The following MLLT6 variants were observed in gnomAD, a reference collection of about 807,000 sequenced individuals.
MLLT6 encodes the protein protein AF-17.
MLLT6 carries 22 observed loss-of-function variants against 103.0 expected under a neutral mutation model. The observed-to-expected ratio is 0.21, with a 90% CI of 0.15 to 0.31. The LOEUF (loss-of-function observed/expected upper bound fraction) is 0.31, where lower values mean the gene tolerates loss of function less well. MLLT6 is among the 10% of genes least tolerant of loss of function. The pLI is 1.00. For synonymous variants in MLLT6, 606 were observed against 623.5 expected (o/e 0.97, Z 0.42); for missense variants, 1,199 against 1,441.7 (o/e 0.83, Z 2.73).
At position 38,722,756 on chromosome 17, in the gene MLLT6, G is replaced by A. The variant is rs750439100; in HGVS notation, c.2871G>A (p.Pro957=). The change falls in exon 18 of 20, where the codon CCG becomes CCA. Residue 957 remains proline, a synonymous_variant. Coordinates refer to ENST00000621332, the MANE Select transcript of MLLT6 (RefSeq NM_005937.4). ...LQQLQQLLAS[P]QLTPEHQTVV... ...AACTCCAGCAGCTCCTGGCCTCCCC[G>A]CAGCTGACCCCGGTAATGCCCCTCC... is the stretch of plus-strand genomic sequence containing the variant. The A allele has an allele frequency of 2.0e-5, 31 of 1,535,296 alleles. No homozygotes were observed. Among genetic ancestry groups the A allele is most frequent in the South Asian group, 7.8e-5 (7 of 89,948 alleles).
At chr17:38,720,901 A>G (rs766030462) in intron 16 of MLLT6, 154 bp downstream of exon 16, 15 of 694,554 alleles carry the variant, frequency 2.2e-5, no homozygotes, top group Non-Finnish European at 3.4e-5. Flanking sequence ...AGTAATATTT[A>G]TGAGGTGCCC....
rs749037742 is a variant in MLLT6, at chr17:38,722,028, G to A, written c.2593G>A (p.Gly865Arg). 9.0e-6 allele frequency: 13 copies of A among 1,441,768 alleles called. No individual in the cohort carries two copies. In the East Asian group the frequency reaches 1.4e-4, roughly 16 times the overall value. The allele number at this position is 1,441,768 out of a possible 1,614,324, so 89.3% of individuals were successfully genotyped here. The change falls in exon 17 of 20, where the codon GGG (glycine) becomes AGG (arginine). Residue 865 changes from glycine to arginine, a missense_variant. This residue lies in a region of MLLT6 where 1,034 missense variants were observed against 1,091.5 expected (regional missense o/e 0.95). Transcript: ENST00000621332. Reference sequence around the variant, plus strand: ...CCCACTCCCGCCCCAGCCGCAGAACGGGTTGGGCCGGGCACCCGGGGCAGC... The same window carrying A: ...CCCACTCCCGCCCCAGCCGCAGAACAGGTTGGGCCGGGCACCCGGGGCAGC... Reference protein sequence around the residue: ...PAPLPPQPQNGLGRAPGAAGL... With the variant: ...PAPLPPQPQNRLGRAPGAAGL...
In MLLT6 at chr17:38,729,725, T is replaced by C. The variant is rs1012432180; in HGVS notation, c.*4127T>C. 3 of 213,098 alleles carry C rather than the reference T, an allele frequency of 1.4e-5. No homozygotes were observed. The highest frequency in any genetic ancestry group is 2.8e-5 in the Non-Finnish European group (3 of 106,176). The allele number at this position is 213,098 out of a possible 1,614,324, so 13.2% of individuals were successfully genotyped here. On this transcript the variant is annotated 3_prime_UTR_variant, in exon 20 of 20. Transcript: ENST00000621332. ...ATCTTTGTATAACGGATGTTATTTGTACGAAGGGCAGTTCGTAAACAGCAC... is the reference window on the plus strand; with the variant it reads ...ATCTTTGTATAACGGATGTTATTTGCACGAAGGGCAGTTCGTAAACAGCAC...
chr17:38,715,873 T>C, intron 9 of MLLT6, 45 bp downstream of exon 9: 1 of 1,517,148 alleles, frequency 6.6e-7, no homozygotes, highest in South Asian at 1.2e-5. Context: ...GGGAAAGCCT[T>C]TTGTCCTGAG....
chr17:38,713,741 C>T (rs1205389310), intron 8 of MLLT6: 1 of 152,364 alleles, frequency 6.6e-6, no homozygotes, highest in Non-Finnish European at 1.5e-5. Flanking sequence ...CTGGATGTCC[C>T]TTGGACATGC....
chr17:38,715,731 G>A lies in MLLT6; in HGVS notation c.939G>A (p.Lys313=). 1 of 1,614,180 alleles carries A rather than the reference G, an allele frequency of 6.2e-7. No homozygotes were observed. Among genetic ancestry groups the A allele is most frequent in the Non-Finnish European group, 8.5e-7 (1 of 1,180,018 alleles). ...SSSHSLSHKG[K]KLSSGKGVSS... ...GCCATAGCCTGAGTCATAAAGGGAAGAAACTGAGCAGTGGGAAAGGTGTGA... is the reference window on the plus strand; with the variant it reads ...GCCATAGCCTGAGTCATAAAGGGAAAAAACTGAGCAGTGGGAAAGGTGTGA... Residue 313 remains lysine (K), a synonymous_variant, in exon 9 of 20, where the codon AAG becomes AAA. Coordinates refer to ENST00000621332, the MANE Select transcript of MLLT6 (RefSeq NM_005937.4).
intron 14 of MLLT6, chr17:38,720,116 C>G (rs1905624645): frequency 1.4e-6 from 1 of 734,212 alleles, no homozygotes; most frequent in Non-Finnish European, 2.2e-6. Context: ...GGGCCCCGAC[C>G]TTACCAAACC....
chr17:38,718,961 C>T (rs1470868360), intron 12 of MLLT6: 1 of 165,814 alleles, frequency 6.0e-6, no homozygotes, highest in Non-Finnish European at 1.3e-5. Flanking sequence ...GATCAGGATT[C>T]TGTGGCCCAA....
rs2143669705 is a variant in MLLT6 at position 38,709,824 on chromosome 17, G to T, written c.552+249G>T. On this transcript the variant is annotated intron_variant, in intron 6 of 19. Transcript: ENST00000621332. This position sits in a 1 kb window ranked among gnomAD's most constrained non-coding sequence, Gnocchi z 4.3. Reference sequence around the variant, plus strand: ...GACCCTGCCTGTCAGAGTCTAGGAGGCTTCAAGGAAGAGGTAGCATTTAAG... The same window carrying T: ...GACCCTGCCTGTCAGAGTCTAGGAGTCTTCAAGGAAGAGGTAGCATTTAAG... Among the ~76,000 whole-genome samples, 1 of 152,380 alleles carries T rather than the reference G, an allele frequency of 6.6e-6. No homozygotes were observed. Among genetic ancestry groups the T allele is most frequent in the South Asian group, 2.1e-4 (1 of 4,832 alleles).
chr17:38,707,720 C>T lies in MLLT6; in HGVS notation c.245-43C>T, dbSNP rs148755593. 2,047 of 1,346,522 alleles carry T rather than the reference C, an allele frequency of 1.5e-3. 5 individuals carry two copies. Among genetic ancestry groups the T allele is most frequent in the Non-Finnish European group, 1.9e-3 (1,779 of 940,854 alleles). The allele number at this position is 1,346,522 out of a possible 1,614,324, so 83.4% of individuals were successfully genotyped here. A position where few individuals can be genotyped will look rare whatever the true frequency, so the allele number is the denominator to read the frequency against. ...GTGGGGTCATAAGGGGTGGAGTCTC[C>T]GGCTTGCCATCTGCAGCTGAGGCTA... On this transcript the variant is annotated intron_variant, in intron 3 of 19. Transcript: ENST00000621332.
chr17:38,717,990 C>T, intron 12 of MLLT6, 37 bp downstream of exon 12: 4 of 1,450,368 alleles, frequency 2.8e-6, no homozygotes, highest in South Asian at 1.2e-5. Flanking sequence ...CCTTTCTTCC[C>T]AAAGGTCGGA....
Position 38,719,748 on chromosome 17 carries a change from A to G in MLLT6, c.2010-2A>G. 6.2e-7 allele frequency: 1 copy of G among 1,606,658 alleles called. No homozygotes were observed. Among genetic ancestry groups the G allele is most frequent in the Non-Finnish European group, 8.5e-7 (1 of 1,175,244 alleles). On this transcript the variant is annotated splice_acceptor_variant, in intron 13 of 19. Transcript: ENST00000621332. LOFTEE classifies it high-confidence loss of function. The stretch of plus-strand genomic sequence containing the variant: ...CTGAACCCAGGTTCCCTCTGGCCGC[A>G]GGTCCCCCATCAGCAGCCTCCCCGC...
At position 38,728,083 on chromosome 17, in the gene MLLT6, C is replaced by G. The variant is rs753137206; in HGVS notation, c.*2485C>G. On this transcript the variant is annotated 3_prime_UTR_variant, in exon 20 of 20. Coordinates refer to ENST00000621332, the MANE Select transcript of MLLT6 (RefSeq NM_005937.4). ...TGGCTGTTCTCCAACTTTCCCAAGCCGCTTGCATTCCCCAGACTGGACTAC... is the reference window on the plus strand; with the variant it reads ...TGGCTGTTCTCCAACTTTCCCAAGCGGCTTGCATTCCCCAGACTGGACTAC... 1.4e-4 allele frequency: 32 copies of G among 233,190 alleles called. No homozygotes were observed. Among genetic ancestry groups the G allele is most frequent in the Non-Finnish European group, 2.2e-4 (26 of 118,084 alleles). The allele number at this position is 233,190 out of a possible 1,614,324, so 14.4% of individuals were successfully genotyped here.
At chr17:38,717,125 C>T (rs1905385886) in intron 10 of MLLT6, 144 bp downstream of exon 10, 1 of 1,256,870 alleles carries the variant, frequency 8.0e-7, no homozygotes, top group African/African-American at 1.5e-5. Context: ...TTCAGGACAT[C>T]CCCCTCTGCA....
Position 38,711,709 on chromosome 17 carries a change from T to C in MLLT6, c.553-138T>C, listed in dbSNP as rs568724315. The C allele has an allele frequency of 8.6e-5, 91 of 1,061,134 alleles. No homozygotes were observed. The African/African-American group carries it at 1.3e-3, about 16-fold the overall frequency. The allele number at this position is 1,061,134 out of a possible 1,614,324, so 65.7% of individuals were successfully genotyped here. A position where few individuals can be genotyped will look rare whatever the true frequency, so the allele number is the denominator to read the frequency against. ...CACCCTTCTGCTGAGCAGAGCATCA[T>C]AGAGGACATGAGGTCCTCTTAGTGA... On this transcript the variant is annotated intron_variant, in intron 6 of 19. Coordinates refer to ENST00000621332, the MANE Select transcript of MLLT6 (RefSeq NM_005937.4).
rs961014384 is a variant in MLLT6 at position 38,720,663 on chromosome 17, C to T, written c.2358C>T (p.Gly786=). Reference sequence around the variant, plus strand: ...CCTGTGACATCCCTCCCACAGCCGGCAGCAGCGACTCCTTGAGCACCAGCA... The same window carrying T: ...CCTGTGACATCCCTCCCACAGCCGGTAGCAGCGACTCCTTGAGCACCAGCA... The part of the protein sequence containing the change: ...PGPYGLPPQA[G]SSDSLSTSKS... Residue 786 remains glycine (G), a synonymous_variant, in exon 16 of 20, where the codon GGC becomes GGT. Coordinates refer to ENST00000621332, the MANE Select transcript of MLLT6 (RefSeq NM_005937.4). 6.2e-7 allele frequency: 1 copy of T among 1,613,650 alleles called. No homozygotes were observed. Among genetic ancestry groups the T allele is most frequent in the Non-Finnish European group, 8.5e-7 (1 of 1,180,046 alleles).
At chr17:38,707,075 A>G in intron 2 of MLLT6, 46 bp downstream of exon 2, 9 of 1,530,008 alleles carry the variant, frequency 5.9e-6, no homozygotes, top group Non-Finnish European at 8.1e-6. Flanking sequence ...CCTCCCACAC[A>G]CCTGAGCGTC....
In MLLT6 at chr17:38,721,917, C is replaced by T. The variant is rs1460451085; in HGVS notation, c.2482C>T (p.Leu828=). ...CTGCCCGAGCCGCAGCAGCTCGTCG[C>T]TGTCCTTCCACAGCACGCCCCCACC... ...SGCPSRSSSS[L]SFHSTPPPLP... The change falls in exon 17 of 20, where the codon CTG becomes TTG. Residue 828 remains leucine, a synonymous_variant. Coordinates refer to ENST00000621332, the MANE Select transcript of MLLT6 (RefSeq NM_005937.4). 1 of 1,573,586 alleles carries T rather than the reference C, an allele frequency of 6.4e-7. No individual in the cohort carries two copies. The highest frequency in any genetic ancestry group is 8.6e-7 in the Non-Finnish European group (1 of 1,167,644).
At chr17:38,720,033 A>G (rs1905615795) in intron 14 of MLLT6, 138 bp downstream of exon 14, 1 of 1,229,378 alleles carries the variant, frequency 8.1e-7, no homozygotes, top group East Asian at 2.6e-5. Context: ...CCCGGGCCTC[A>G]CCTCCCATCC....
Sources: gnomAD v4.1 joint callset for allele counts (sites outside exome capture counted in the v4.1 genomes callset) on GRCh38, gnomAD v4.1.1 for gene constraint, gnomAD v4.1.1 regional missense constraint, Gnocchi (gnomAD v3.1) non-coding constraint, MANE v1.5 for transcripts, NCBI Gene and HGNC (gene_info 2026-07-23, HGNC 2026-07-21) for gene names.